PRKG1: variants seen among roughly 807,000 people sequenced by gnomAD.
PRKG1 encodes the protein protein kinase cGMP-dependent 1.
A neutral mutation model predicts 88.1 loss-of-function variants in PRKG1; 35 were observed. The observed-to-expected ratio is 0.40, with a 90% CI of 0.30 to 0.53. The LOEUF (loss-of-function observed/expected upper bound fraction) is 0.53. Among genes scored for constraint, PRKG1 ranks in the 20% least tolerant of loss-of-function variants. PRKG1 has a pLI of 0.59. For missense variants in PRKG1, 540 were observed against 839.8 expected, an observed-to-expected ratio of 0.64 and a Z score of 4.41; for synonymous variants, 303 against 292.5, an observed-to-expected ratio of 1.04 and a Z score of -0.37.
At chr10:51,046,393 C>G (rs1356257904) in intron 1 of PRKG1, among the ~76,000 whole-genome samples, 1 of 152,170 alleles carries the variant, frequency 6.6e-6, no homozygotes, top group East Asian at 1.9e-4. Flanking sequence ...GAAGGCAGTG[C>G]TGGCATACTG....
At chr10:51,502,709 A>C (rs1841065780) in intron 3 of PRKG1, among the ~76,000 whole-genome samples, 1 of 152,190 alleles carries the variant, frequency 6.6e-6, no homozygotes. Context: ...GAAATCATGC[A>C]TATTATAAAA....
chr10:51,730,426 T>G (rs1842244498), intron 3 of PRKG1, among the ~76,000 whole-genome samples: 1 of 152,240 alleles, frequency 6.6e-6, no homozygotes, highest in Non-Finnish European at 1.5e-5. Context: ...TAACGCATTT[T>G]AGACTTTGAC....
At chr10:51,277,376 A>G (rs948242823) in intron 2 of PRKG1, among the ~76,000 whole-genome samples, 10 of 152,184 alleles carry the variant, frequency 6.6e-5, no homozygotes, top group Admixed American at 3.9e-4. Context: ...CTTGTAGTAT[A>G]GTTTGAAGTC....
chr10:51,524,911 G>C (rs1841837061), intron 3 of PRKG1, among the ~76,000 whole-genome samples: 1 of 152,104 alleles, frequency 6.6e-6, no homozygotes, highest in South Asian at 2.1e-4. Flanking sequence ...CATTTTTAAT[G>C]AACAGTTTTT....
chr10:51,273,894 A>G (rs138229336), intron 2 of PRKG1, among the ~76,000 whole-genome samples: 1 of 152,328 alleles, frequency 6.6e-6, no homozygotes, highest in East Asian at 1.9e-4. Context: ...TCCTGAGTAG[A>G]CAGCATGAGG....
At chr10:51,107,273 T>A (rs952848812) in intron 1 of PRKG1, among the ~76,000 whole-genome samples, 4 of 152,062 alleles carry the variant, frequency 2.6e-5, no homozygotes, top group African/African-American at 9.7e-5. Context: ...TCAGCTCTCG[T>A]GAGGCTAGGT....
intron 1 of PRKG1, among the ~76,000 whole-genome samples, chr10:51,057,971 C>T (rs1454892939): frequency 6.6e-6 from 1 of 152,110 alleles, no homozygotes; most frequent in Non-Finnish European, 1.5e-5. Flanking sequence ...ACAATTTATA[C>T]TCCCACTAAT....
chr10:51,869,764 A>T (rs1423552127), intron 4 of PRKG1, among the ~76,000 whole-genome samples: 1 of 152,200 alleles, frequency 6.6e-6, no homozygotes, highest in East Asian at 1.9e-4. Flanking sequence ...TTTAAATTCC[A>T]CAGAAATCAC....
intron 8 of PRKG1, among the ~76,000 whole-genome samples, chr10:52,149,177 C>G (rs903383300): frequency 6.6e-6 from 1 of 151,136 alleles, no homozygotes; most frequent in Admixed American, 6.6e-5. Context: ...CAGAAAAGTA[C>G]GATGATAATG....
intron 1 of PRKG1, among the ~76,000 whole-genome samples, chr10:51,026,356 G>T (rs1843205758): frequency 1.3e-5 from 2 of 152,276 alleles, no homozygotes; most frequent in African/African-American, 4.8e-5. Flanking sequence ...AACAGAGACT[G>T]CCAGATAAAT....
At chr10:52,189,981 G>T (rs1839323059) in intron 9 of PRKG1, among the ~76,000 whole-genome samples, 1 of 152,168 alleles carries the variant, frequency 6.6e-6, no homozygotes. Context: ...CATCACAGAT[G>T]CTAATCAATG....
chr10:51,408,048 G>C (rs2132681020), intron 2 of PRKG1, among the ~76,000 whole-genome samples: 1 of 152,296 alleles, frequency 6.6e-6, no homozygotes, highest in African/African-American at 2.4e-5. Context: ...CATGGGAACA[G>C]GAAGCAAAAA....
At chr10:51,396,513 G>A (rs558789832) in intron 2 of PRKG1, among the ~76,000 whole-genome samples, 1 of 152,290 alleles carries the variant, frequency 6.6e-6, no homozygotes, top group African/African-American at 2.4e-5. Context: ...ATGTTGCCCT[G>A]GACAATGAAA....
At chr10:51,997,674 A>G (rs1388462032) in intron 5 of PRKG1, among the ~76,000 whole-genome samples, 1 of 152,154 alleles carries the variant, frequency 6.6e-6, no homozygotes, top group Non-Finnish European at 1.5e-5. Context: ...TTCAAAATAT[A>G]ATGTTGTACG....
intron 3 of PRKG1, among the ~76,000 whole-genome samples, chr10:51,552,438 T>C (rs1463353948): frequency 1.3e-5 from 2 of 151,656 alleles, no homozygotes; most frequent in Non-Finnish European, 3.0e-5. Flanking sequence ...TATTTATTTA[T>C]TAAAGGTGAG....
intron 2 of PRKG1, chr10:51,299,689 A>G: frequency 2.2e-6 from 1 of 447,628 alleles, no homozygotes; most frequent in Non-Finnish European, 4.5e-6. Context: ...TTACAGGCTG[A>G]CAGCCACAGG....
chr10:51,347,273 GTTGAAGAAGAGTGAATA>G (rs1842134117), intron 2 of PRKG1, among the ~76,000 whole-genome samples: 2 of 152,160 alleles, frequency 1.3e-5, no homozygotes, highest in Admixed American at 6.6e-5. Flanking sequence ...CCTGGATCAT[GTTGAAGAAGAGTGAATA>G]TTGAAGAAGA....
chr10:51,055,795 C>G (rs533676684), intron 1 of PRKG1, among the ~76,000 whole-genome samples: 91 of 152,182 alleles, frequency 6.0e-4, no homozygotes, highest in African/African-American at 1.8e-3. Context: ...CTTACAAATA[C>G]CATTTTCTTC....
chr10:51,732,717 G>T (rs930400089), intron 3 of PRKG1, among the ~76,000 whole-genome samples: 1 of 152,078 alleles, frequency 6.6e-6, no homozygotes, highest in African/African-American at 2.4e-5. Flanking sequence ...TAGCTAAATT[G>T]AAGGCAAAAA....
Sources: gnomAD v4.1 joint callset for allele counts (sites outside exome capture counted in the v4.1 genomes callset) on GRCh38, gnomAD v4.1.1 for gene constraint, MANE v1.5 for transcripts, NCBI Gene and HGNC (gene_info 2026-07-23, HGNC 2026-07-21) for gene names.